Variants in SPAG16 observed in about 807,000 individuals in gnomAD.
The protein encoded by SPAG16 is sperm associated antigen 16, also known as sperm-associated antigen 16 protein.
SPAG16 carries 86 observed loss-of-function variants against 80.4 expected under a neutral mutation model. The ratio of observed to expected loss-of-function variants is 1.07; its 90% CI spans 0.90 to 1.28. The LOEUF is 1.28. Among genes scored for constraint, SPAG16 ranks in the 50% most tolerant of loss-of-function variants. The pLI, the probability that SPAG16 is intolerant of heterozygous loss-of-function variation, is 0.00. For synonymous variants in SPAG16, 294 were observed against 265.9 expected, an observed-to-expected ratio of 1.11 and a Z score of -1.03; for missense variants, 870 against 765.3, an observed-to-expected ratio of 1.14 and a Z score of -1.61.
At chr2:214,246,224 CA>C (rs1689837032) in intron 15 of SPAG16, among the ~76,000 whole-genome samples, 1 of 149,558 alleles carries the variant, frequency 6.7e-6, no homozygotes, top group South Asian at 2.1e-4. Flanking sequence ...CCGTAGTTTA[CA>C]AACGCACAAA....
chr2:213,596,727 T>C (rs1304043260), intron 10 of SPAG16, among the ~76,000 whole-genome samples: 3 of 152,110 alleles, frequency 2.0e-5, no homozygotes, highest in African/African-American at 7.2e-5. Flanking sequence ...AAGACAAAGA[T>C]TGAGCTCTCA....
rs185820676 is a variant in SPAG16 at position 213,596,756 on chromosome 2, G to C, written c.1070+106666G>C. Among the ~76,000 whole-genome samples the C allele has an allele frequency of 1.2e-4, 19 of 152,208 alleles. No homozygotes were observed. The East Asian group carries it at 3.3e-3, about 26-fold the overall frequency. Reference sequence around the variant, plus strand: ...GCTCTCAGATCAGTATACACCAATTGTAGAGACAATGTAGCTGGCTATCCA... The same window carrying C: ...GCTCTCAGATCAGTATACACCAATTCTAGAGACAATGTAGCTGGCTATCCA... On this transcript the variant is annotated intron_variant, in intron 10 of 15. Coordinates refer to ENST00000331683, the MANE Select transcript of SPAG16 (RefSeq NM_024532.5).
chr2:214,408,855 C>T (rs1372131311), intron 15 of SPAG16, among the ~76,000 whole-genome samples: 4 of 152,068 alleles, frequency 2.6e-5, no homozygotes, highest in South Asian at 2.1e-4. Flanking sequence ...CAAGTTACTT[C>T]GCCTTTCCAA....
intron 9 of SPAG16, among the ~76,000 whole-genome samples, chr2:213,417,849 T>C (rs2069350062): frequency 6.6e-6 from 1 of 151,406 alleles, no homozygotes; most frequent in Non-Finnish European, 1.5e-5. Flanking sequence ...TAAACAAAGA[T>C]CAAATTTAGA....
intron 10 of SPAG16, among the ~76,000 whole-genome samples, chr2:213,615,047 A>G (rs141135867): frequency 4.6e-4 from 70 of 152,336 alleles, no homozygotes; most frequent in African/African-American, 1.6e-3. Flanking sequence ...ATTGATAACT[A>G]ATCTGAGAGT....
intron 10 of SPAG16, among the ~76,000 whole-genome samples, chr2:213,735,152 G>T (rs1156982415): frequency 6.6e-6 from 1 of 152,086 alleles, no homozygotes; most frequent in East Asian, 1.9e-4. Context: ...GAGAATGCAT[G>T]CCCTATTTGA....
chr2:213,655,739 C>T (rs931016326), intron 10 of SPAG16, among the ~76,000 whole-genome samples: 1 of 152,126 alleles, frequency 6.6e-6, no homozygotes, highest in Non-Finnish European at 1.5e-5. Flanking sequence ...TGATCAAATC[C>T]TATCATCTGC....
chr2:213,972,484 C>T (rs1282342384), intron 12 of SPAG16, among the ~76,000 whole-genome samples: 2 of 151,984 alleles, frequency 1.3e-5, no homozygotes, highest in Non-Finnish European at 2.9e-5. Context: ...GGTGGATGTC[C>T]CAGCTCAAGC....
intron 10 of SPAG16, among the ~76,000 whole-genome samples, chr2:213,727,278 C>A (rs1333144718): frequency 2.6e-5 from 4 of 152,034 alleles, no homozygotes; most frequent in African/African-American, 4.8e-5. Context: ...TGCAAAAGAA[C>A]CTCCCTTCCT....
intron 14 of SPAG16, among the ~76,000 whole-genome samples, chr2:214,118,875 A>C (rs2054078291): frequency 6.6e-6 from 1 of 150,426 alleles, no homozygotes; most frequent in African/African-American, 2.4e-5. Context: ...TTTTGGAACC[A>C]AAAGGCTGCA....
At chr2:213,588,451 ATTT>A (rs56944461) in intron 10 of SPAG16, among the ~76,000 whole-genome samples, 16 of 144,142 alleles carry the variant, frequency 1.1e-4, no homozygotes, top group African/African-American at 3.8e-4. Flanking sequence ...TTTATTTGTG[ATTT>A]TTTTTTTTTT....
intron 10 of SPAG16, among the ~76,000 whole-genome samples, chr2:213,533,888 CTT>C (rs1208792695): frequency 1.3e-5 from 2 of 151,890 alleles, no homozygotes; most frequent in African/African-American, 4.8e-5. Context: ...TGTTTGCAGA[CTT>C]TTGTTTGCTT....
intron 15 of SPAG16, among the ~76,000 whole-genome samples, chr2:214,185,319 C>T (rs1456758598): frequency 2.0e-5 from 3 of 151,914 alleles, no homozygotes; most frequent in Non-Finnish European, 2.9e-5. Context: ...ACATAATATG[C>T]ACCTGATAAT....
intron 10 of SPAG16, among the ~76,000 whole-genome samples, chr2:213,679,543 C>T (rs200177497): frequency 2.6e-5 from 4 of 151,834 alleles, no homozygotes; most frequent in Admixed American, 1.3e-4. Context: ...ATTTTAAAAA[C>T]GTGGAGAAAC....
At chr2:214,214,136 T>A (rs190597138) in intron 15 of SPAG16, among the ~76,000 whole-genome samples, 1 of 152,016 alleles carries the variant, frequency 6.6e-6, no homozygotes, top group African/African-American at 2.4e-5. Flanking sequence ...ATGTCATTCA[T>A]ACATACTGTT....
At chr2:214,144,836 G>A (rs2055555519) in intron 14 of SPAG16, among the ~76,000 whole-genome samples, 1 of 152,014 alleles carries the variant, frequency 6.6e-6, no homozygotes. Flanking sequence ...CTACTTAGCT[G>A]ACTCATCAGG....
intron 15 of SPAG16, among the ~76,000 whole-genome samples, chr2:214,345,752 C>T (rs546331363): frequency 6.6e-6 from 1 of 152,028 alleles, no homozygotes; most frequent in Admixed American, 6.6e-5. Context: ...TAACACCATA[C>T]GTTATTATTA....
intron 13 of SPAG16, among the ~76,000 whole-genome samples, chr2:214,066,726 G>GA (rs1173487202): frequency 6.6e-6 from 1 of 151,588 alleles, no homozygotes; most frequent in Non-Finnish European, 1.5e-5. Context: ...AGATAGCAAA[G>GA]AAAAAAACAT....
chr2:213,847,586 G>A (rs764218346), intron 10 of SPAG16, among the ~76,000 whole-genome samples: 1 of 152,136 alleles, frequency 6.6e-6, no homozygotes, highest in Non-Finnish European at 1.5e-5. Context: ...CTAGCTCCGT[G>A]ATCCAAACAC....
Sources: allele counts gnomAD v4.1 joint callset (sites outside exome capture counted in the v4.1 genomes callset), GRCh38; gene constraint gnomAD v4.1.1; transcripts MANE v1.5; gene names NCBI Gene and HGNC (gene_info 2026-07-23, HGNC 2026-07-21).